CTNNA3: variants seen among roughly 807,000 people sequenced by gnomAD.
CTNNA3 encodes the protein catenin alpha-3.
Under a neutral mutation model 95.7 loss-of-function variants are expected in CTNNA3, and 76 were observed. That is an observed-to-expected ratio of 0.79 (90% CI 0.66 to 0.96). CTNNA3 has a LOEUF of 0.96. Ranked by LOEUF, CTNNA3 falls within the 40% of genes least tolerant of loss-of-function variation. CTNNA3 has a pLI of 0.00. For missense variants in CTNNA3, 1,191 were observed against 1,089.8 expected (o/e 1.09, Z -1.31); for synonymous variants, 431 against 374.4 (o/e 1.15, Z -1.74).
At chr10:66,887,073 T>C (rs985227995) in intron 7 of CTNNA3, among the ~76,000 whole-genome samples, 2 of 152,162 alleles carry the variant, frequency 1.3e-5, no homozygotes, top group African/African-American at 2.4e-5. Context: ...TCTTCAAACA[T>C]GAGGTGATGG....
At chr10:66,591,245 T>A (rs976794738) in intron 10 of CTNNA3, among the ~76,000 whole-genome samples, 3 of 152,162 alleles carry the variant, frequency 2.0e-5, no homozygotes, top group African/African-American at 7.2e-5. Flanking sequence ...ACTCCAGCTA[T>A]GTGTTCAGAA....
chr10:67,333,531 T>A (rs910580266), intron 5 of CTNNA3, among the ~76,000 whole-genome samples: 10 of 152,132 alleles, frequency 6.6e-5, no homozygotes, highest in African/African-American at 2.4e-4. Flanking sequence ...TACTTTTTTG[T>A]CCCCATTTAA....
chr10:67,306,102 G>A (rs1348988381), intron 5 of CTNNA3, among the ~76,000 whole-genome samples: 2 of 152,084 alleles, frequency 1.3e-5, no homozygotes, highest in African/African-American at 4.8e-5. Context: ...AACAGATAAA[G>A]CAGGTGCAAA....
chr10:66,663,501 C>G (rs961215624), intron 9 of CTNNA3, among the ~76,000 whole-genome samples: 2 of 151,624 alleles, frequency 1.3e-5, no homozygotes, highest in African/African-American at 4.8e-5. Flanking sequence ...TCACCAGTAA[C>G]CCAATTATGC....
At chr10:66,699,697 T>C (rs1044295147) in intron 9 of CTNNA3, among the ~76,000 whole-genome samples, 1 of 151,998 alleles carries the variant, frequency 6.6e-6, no homozygotes, top group African/African-American at 2.4e-5. Context: ...GTTTTGCTCT[T>C]GTTGCCCAGG....
intron 7 of CTNNA3, among the ~76,000 whole-genome samples, chr10:66,974,806 T>A (rs1376494629): frequency 1.3e-5 from 2 of 149,462 alleles, no homozygotes; most frequent in Non-Finnish European, 2.9e-5. Context: ...AACCATTTGT[T>A]TTTTTTTTTC....
intron 7 of CTNNA3, among the ~76,000 whole-genome samples, chr10:66,817,391 A>G (rs1842131010): frequency 6.6e-6 from 1 of 152,040 alleles, no homozygotes; most frequent in African/African-American, 2.4e-5. Context: ...TCCTTTGAAA[A>G]GATAACAAAA....
At chr10:66,362,168 T>C (rs1564898668) in intron 12 of CTNNA3, among the ~76,000 whole-genome samples, 1 of 146,868 alleles carries the variant, frequency 6.8e-6, no homozygotes, top group African/African-American at 2.5e-5. Flanking sequence ...AGTTGTGCGA[T>C]CTCAGCTCAC....
chr10:66,872,426 TG>T (rs1477165850), intron 7 of CTNNA3, among the ~76,000 whole-genome samples: 1 of 152,110 alleles, frequency 6.6e-6, no homozygotes, highest in Non-Finnish European at 1.5e-5. Flanking sequence ...ACTAGTATTT[TG>T]GGAGGCCGAG....
chr10:66,611,732 T>C (rs1056615668), intron 10 of CTNNA3, among the ~76,000 whole-genome samples: 26 of 152,186 alleles, frequency 1.7e-4, no homozygotes, highest in Admixed American at 4.6e-4. Flanking sequence ...GCTGAAATGC[T>C]CCCATTTGCT....
intron 11 of CTNNA3, among the ~76,000 whole-genome samples, chr10:66,502,770 T>A (rs970467253): frequency 1.3e-5 from 2 of 152,154 alleles, no homozygotes; most frequent in Non-Finnish European, 2.9e-5. Flanking sequence ...GTTTTCCTTA[T>A]GAATATGTGC....
chr10:66,889,345 C>A (rs1845169165), intron 7 of CTNNA3, among the ~76,000 whole-genome samples: 1 of 152,050 alleles, frequency 6.6e-6, no homozygotes, highest in East Asian at 1.9e-4. Context: ...GTGTACAACA[C>A]CAGGAGTTAC....
At chr10:66,798,346 C>A (rs1370479293) in intron 7 of CTNNA3, among the ~76,000 whole-genome samples, 1 of 151,422 alleles carries the variant, frequency 6.6e-6, no homozygotes, top group African/African-American at 2.4e-5. Context: ...GATTTATTAA[C>A]TATTAATAGG....
chr10:66,543,545 A>T (rs1841933930), intron 10 of CTNNA3, among the ~76,000 whole-genome samples: 1 of 152,156 alleles, frequency 6.6e-6, no homozygotes, highest in African/African-American at 2.4e-5. Context: ...ACCTACACAG[A>T]AGAAGCTGAA....
chr10:66,058,054 G>A (rs922129582), intron 15 of CTNNA3, among the ~76,000 whole-genome samples: 1 of 152,070 alleles, frequency 6.6e-6, no homozygotes, highest in East Asian at 1.9e-4. Context: ...CCTTTGCTGT[G>A]TGTGCTACAA....
chr10:66,579,787 C>G (rs1362738712), intron 10 of CTNNA3, among the ~76,000 whole-genome samples: 1 of 151,732 alleles, frequency 6.6e-6, no homozygotes, highest in Non-Finnish European at 1.5e-5. Flanking sequence ...TTTCTTTCAG[C>G]ACTTCAAAAC....
chr10:66,518,319 T>C (rs773103531), intron 11 of CTNNA3, among the ~76,000 whole-genome samples: 1 of 152,134 alleles, frequency 6.6e-6, no homozygotes, highest in Non-Finnish European at 1.5e-5. Context: ...TGGTAAATTA[T>C]GGTTCCCCTT....
chr10:66,510,302 T>C (rs1225971495), intron 11 of CTNNA3, among the ~76,000 whole-genome samples: 10 of 151,884 alleles, frequency 6.6e-5, no homozygotes, highest in African/African-American at 2.4e-4. Context: ...GCAGAGTCAT[T>C]ACATTTTTCT....
intron 5 of CTNNA3, among the ~76,000 whole-genome samples, chr10:67,419,091 C>T (rs1339727206): frequency 3.3e-5 from 5 of 152,102 alleles, no homozygotes; most frequent in African/African-American, 1.2e-4. Context: ...TGAGGTTCTT[C>T]ATGAACTGTG....
Sources: allele counts gnomAD v4.1 joint callset (sites outside exome capture counted in the v4.1 genomes callset), GRCh38; gene constraint gnomAD v4.1.1; transcripts MANE v1.5; gene names NCBI Gene and HGNC (gene_info 2026-07-23, HGNC 2026-07-21).